KIF13B: variants seen among roughly 807,000 people sequenced by gnomAD.
KIF13B encodes the protein kinesin family member 13B, also known as kinesin-like protein KIF13B.
KIF13B carries 127 observed loss-of-function variants against 222.0 expected under a neutral mutation model. The ratio of observed to expected loss-of-function variants is 0.57; its 90% CI spans 0.50 to 0.66. The LOEUF (loss-of-function observed/expected upper bound fraction) is 0.66, where lower values mean the gene tolerates loss of function less well. Among genes scored for constraint, KIF13B ranks in the 30% least tolerant of loss-of-function variants. KIF13B has a pLI of 0.00. For synonymous variants in KIF13B, 976 were observed against 919.0 expected (o/e 1.06, Z -1.12); for missense variants, 2,173 against 2,379.0 (o/e 0.91, Z 1.80).
chr8:29,084,616 T>G (rs1429643385), intron 37 of KIF13B, among the ~76,000 whole-genome samples: 1 of 152,230 alleles, frequency 6.6e-6, no homozygotes, highest in African/African-American at 2.4e-5. Context: ...GGAAATTAAA[T>G]CTGACCATTA....
At chr8:29,204,376 C>A (rs1278982363) in intron 2 of KIF13B, among the ~76,000 whole-genome samples, 2 of 152,094 alleles carry the variant, frequency 1.3e-5, no homozygotes, top group Non-Finnish European at 2.9e-5. Flanking sequence ...TGAAACACAC[C>A]GGCAGAATGA....
intron 4 of KIF13B, chr8:29,189,616 G>C (rs951550882): frequency 1.3e-5 from 2 of 152,250 alleles, no homozygotes; most frequent in Non-Finnish European, 2.9e-5. Context: ...CCATCAAAAA[G>C]AGAAAACTGA....
intron 12 of KIF13B, 24 bp downstream of exon 12, chr8:29,165,638 G>C (rs373972014): frequency 1.4e-6 from 2 of 1,468,862 alleles, no homozygotes; most frequent in Non-Finnish European, 1.9e-6. Flanking sequence ...GGTTTCATGC[G>C]CTTCATCATC....
At position 29,245,458 on chromosome 8, in the gene KIF13B, G is replaced by T; in HGVS notation, c.56-19C>A. The T allele has an allele frequency of 6.6e-7, 1 of 1,508,638 alleles. No homozygotes were observed. The highest frequency in any genetic ancestry group is 9.0e-7 in the Non-Finnish European group (1 of 1,114,926). The allele number at this position is 1,508,638 out of a possible 1,614,324, so 93.5% of individuals were successfully genotyped here. A position where few individuals can be genotyped will look rare whatever the true frequency, so the allele number is the denominator to read the frequency against. ...TCAGTCTCTGTGGATAAAAAAACAA[G>T]AAAAACAGTCATTTTAAAAAGTAAT... On this transcript the variant is annotated intron_variant, in intron 1 of 39. Coordinates refer to ENST00000524189, the MANE Select transcript of KIF13B (RefSeq NM_015254.4).
intron 14 of KIF13B, among the ~76,000 whole-genome samples, chr8:29,153,608 A>G (rs1811393024): frequency 1.3e-5 from 2 of 151,918 alleles, no homozygotes; most frequent in Non-Finnish European, 2.9e-5. Flanking sequence ...AAGATACAGG[A>G]TATCAAGTAC....
chr8:29,122,394 A>G (rs1034466696), intron 29 of KIF13B, among the ~76,000 whole-genome samples, 197 bp downstream of exon 29: 1 of 152,252 alleles, frequency 6.6e-6, no homozygotes, highest in African/African-American at 2.4e-5. Flanking sequence ...ATGGTGAAGC[A>G]CGCCTATTAT....
intron 1 of KIF13B, among the ~76,000 whole-genome samples, chr8:29,258,470 G>T (rs901757086): frequency 6.6e-6 from 1 of 152,134 alleles, no homozygotes; most frequent in Non-Finnish European, 1.5e-5. Context: ...AGAGTGCGTG[G>T]ACCAGCCACC....
chr8:29,103,187 A>AGCC (rs1461107969), intron 35 of KIF13B, among the ~76,000 whole-genome samples: 1 of 150,034 alleles, frequency 6.7e-6, no homozygotes, highest in African/African-American at 2.5e-5. Flanking sequence ...GCTTGCAGTG[A>AGCC]GCCGAGATAG....
intron 10 of KIF13B, among the ~76,000 whole-genome samples, chr8:29,168,272 G>A (rs1262969074): frequency 4.6e-5 from 7 of 152,212 alleles, no homozygotes; most frequent in African/African-American, 1.4e-4. Context: ...ACAGTGAAAC[G>A]GCTTTAGGAC....
At chr8:29,233,015 G>A (rs1815354443) in intron 2 of KIF13B, among the ~76,000 whole-genome samples, 1 of 152,168 alleles carries the variant, frequency 6.6e-6, no homozygotes. Context: ...AATTAGCCGA[G>A]CATGGTGGCA....
chr8:29,094,257 GT>G (rs1464762972), intron 36 of KIF13B, among the ~76,000 whole-genome samples: 3 of 152,106 alleles, frequency 2.0e-5, no homozygotes, highest in African/African-American at 7.2e-5. Context: ...ACAGAATTGC[GT>G]TTCAACAGTC....
chr8:29,170,071 A>G (rs1041664150), intron 10 of KIF13B, among the ~76,000 whole-genome samples: 1 of 152,228 alleles, frequency 6.6e-6, no homozygotes, highest in Non-Finnish European at 1.5e-5. Context: ...AAATGACCTC[A>G]TGCCATCAGC....
rs201301851 is a variant in KIF13B at position 29,245,563 on chromosome 8, TA to T, written c.56-125del. ...ATGCAAACACTCAATGAAGTAGGAA[TA>T]AAAAAAACTTCCTCCACTTGATAAG... On this transcript the variant is annotated intron_variant, in intron 1 of 39. Coordinates refer to ENST00000524189, the MANE Select transcript of KIF13B (RefSeq NM_015254.4). 1,088 of 660,312 alleles carry T rather than the reference TA, an allele frequency of 1.6e-3. 11 individuals carry two copies. Among genetic ancestry groups the T allele is most frequent in the African/African-American group, 0.016 (867 of 54,660 alleles). The allele number at this position is 660,312 out of a possible 1,614,324, so 40.9% of individuals were successfully genotyped here.
intron 36 of KIF13B, among the ~76,000 whole-genome samples, chr8:29,096,045 G>C (rs1808511033): frequency 6.6e-6 from 1 of 150,488 alleles, no homozygotes; most frequent in Non-Finnish European, 1.5e-5. Context: ...GCGATGGCGT[G>C]ATCTTGGCTC....
chr8:29,151,592 T>C (rs1282394633), intron 14 of KIF13B, among the ~76,000 whole-genome samples: 1 of 152,230 alleles, frequency 6.6e-6, no homozygotes, highest in Non-Finnish European at 1.5e-5. Context: ...CTAAATCAGC[T>C]CTGCCTGTGC....
At chr8:29,076,476 T>C (rs1380928262) in intron 37 of KIF13B, among the ~76,000 whole-genome samples, 1 of 152,206 alleles carries the variant, frequency 6.6e-6, no homozygotes, top group African/African-American at 2.4e-5. Context: ...TCTGGGCACT[T>C]GAGGCCTCGA....
chr8:29,118,740 A>G, intron 30 of KIF13B, 128 bp downstream of exon 30: 1 of 888,776 alleles, frequency 1.1e-6, no homozygotes, highest in Non-Finnish European at 1.8e-6. Flanking sequence ...GTCATGATGA[A>G]AGGTTTTGCT....
intron 1 of KIF13B, among the ~76,000 whole-genome samples, chr8:29,262,515 G>A (rs1563836527): frequency 6.6e-6 from 1 of 151,912 alleles, no homozygotes; most frequent in Non-Finnish European, 1.5e-5. Flanking sequence ...TGGGCGACCC[G>A]GGCGAGACGC....
chr8:29,122,762 T>G, intron 28 of KIF13B, 116 bp from the exon 29 acceptor site: 2 of 783,936 alleles, frequency 2.6e-6, no homozygotes. Flanking sequence ...GTAATAACCC[T>G]GGCCCTGATT....
Sources: gnomAD v4.1 joint callset for allele counts (sites outside exome capture counted in the v4.1 genomes callset) on GRCh38, gnomAD v4.1.1 for gene constraint, MANE v1.5 for transcripts, NCBI Gene and HGNC (gene_info 2026-07-23, HGNC 2026-07-21) for gene names.